PRDM6: variants seen among roughly 807,000 people sequenced by gnomAD.
The protein encoded by PRDM6 is putative histone-lysine N-methyltransferase PRDM6.
PRDM6 carries 25 observed loss-of-function variants against 60.8 expected under a neutral mutation model. The ratio of observed to expected loss-of-function variants is 0.41; its 90% CI spans 0.30 to 0.57. The LOEUF (loss-of-function observed/expected upper bound fraction) is 0.57. Ranked by LOEUF, PRDM6 falls within the 20% of genes least tolerant of loss-of-function variation. The pLI, the probability that PRDM6 is intolerant of heterozygous loss-of-function variation, is 0.27. For missense variants in PRDM6, 839 were observed against 821.3 expected, an observed-to-expected ratio of 1.02 and a Z score of -0.26; for synonymous variants, 407 against 357.4, an observed-to-expected ratio of 1.14 and a Z score of -1.57.
intron 4 of PRDM6, 122 bp downstream of exon 4, chr5:123,156,133 T>C: frequency 3.3e-6 from 1 of 307,564 alleles, no homozygotes; most frequent in Non-Finnish European, 5.1e-6. Flanking sequence ...CTGGCAGACA[T>C]TTTTTTTTTT....
chr5:123,126,377 T>C (rs1764695144), intron 3 of PRDM6, among the ~76,000 whole-genome samples: 1 of 151,728 alleles, frequency 6.6e-6, no homozygotes, highest in Non-Finnish European at 1.5e-5. Context: ...GTCTGGGCTC[T>C]GATGCACCAA....
At chr5:123,175,087 C>T (rs1362004331) in intron 6 of PRDM6, among the ~76,000 whole-genome samples, 1 of 152,078 alleles carries the variant, frequency 6.6e-6, no homozygotes, top group East Asian at 1.9e-4. Flanking sequence ...ACCAAAAGTG[C>T]TTTTGCTCAG....
chr5:123,147,010 GTTTTC>G (rs1419113421), intron 3 of PRDM6, among the ~76,000 whole-genome samples: 1 of 152,054 alleles, frequency 6.6e-6, no homozygotes, highest in East Asian at 1.9e-4. Context: ...TTTCATGAGA[GTTTTC>G]TTTATTTTTA....
Position 123,159,402 on chromosome 5 carries a change from CAG to C in PRDM6, c.1029-110_1029-109del, listed in dbSNP as rs1765577060. The C allele has an allele frequency of 6.6e-6, 8 of 1,208,120 alleles. No individual in the cohort carries two copies. In the Admixed American group the frequency reaches 8.3e-5, roughly 12 times the overall value. The allele number at this position is 1,208,120 out of a possible 1,614,324, so 74.8% of individuals were successfully genotyped here. On this transcript the variant is annotated intron_variant, in intron 4 of 7. Transcript: ENST00000407847. ...CAGTTGGATGTAAATTTATTACAAA[CAG>C]AAACTGTTTAGATGGAGCTGCGTAG...
intron 3 of PRDM6, among the ~76,000 whole-genome samples, chr5:123,120,810 A>G (rs1764562905): frequency 6.6e-6 from 1 of 152,210 alleles, no homozygotes; most frequent in Admixed American, 6.5e-5. Context: ...CTTAGCATCT[A>G]GGTTAATAGA....
chr5:123,120,145 G>C (rs1237079578), intron 3 of PRDM6, among the ~76,000 whole-genome samples: 1 of 152,174 alleles, frequency 6.6e-6, no homozygotes, highest in Non-Finnish European at 1.5e-5. Flanking sequence ...AAGATTTAAA[G>C]TGGGTCTTAG....
At chr5:123,102,683 A>G (rs1385716236) in intron 3 of PRDM6, among the ~76,000 whole-genome samples, 1 of 152,142 alleles carries the variant, frequency 6.6e-6, no homozygotes, top group East Asian at 1.9e-4. Flanking sequence ...AACTGTAATC[A>G]TTTCTCTTCC....
intron 7 of PRDM6, among the ~76,000 whole-genome samples, chr5:123,181,275 A>C (rs1766153533): frequency 6.6e-6 from 1 of 152,222 alleles, no homozygotes; most frequent in Non-Finnish European, 1.5e-5. Flanking sequence ...CAATTAGTAA[A>C]CGTATTATAG....
chr5:123,169,392 C>T (rs1263465859), intron 5 of PRDM6, among the ~76,000 whole-genome samples: 1 of 152,172 alleles, frequency 6.6e-6, no homozygotes, highest in South Asian at 2.1e-4. Context: ...GTTCTCTCCC[C>T]ACTTCCACTG....
At chr5:123,113,630 G>A (rs189970495) in intron 3 of PRDM6, among the ~76,000 whole-genome samples, 7 of 152,096 alleles carry the variant, frequency 4.6e-5, no homozygotes, top group African/African-American at 1.7e-4. Flanking sequence ...GCTCTTCACC[G>A]GTCTGCTCTT....
chr5:123,111,630 G>A (rs928214342), intron 3 of PRDM6, among the ~76,000 whole-genome samples: 4 of 152,176 alleles, frequency 2.6e-5, no homozygotes, highest in East Asian at 1.9e-4. Context: ...CCCGGGGGGC[G>A]GAGCTTGCAG....
In PRDM6 at chr5:123,181,071, A is replaced by G. The variant is rs1375318351; in HGVS notation, c.1673+748A>G. On this transcript the variant is annotated intron_variant, in intron 7 of 7. Coordinates refer to ENST00000407847, the MANE Select transcript of PRDM6 (RefSeq NM_001136239.4). The stretch of plus-strand genomic sequence containing the variant: ...CATCTGAATCCGTGCAAGATGGTCT[A>G]TTCATTCACTTATTCACTCATTCAT... Among the ~76,000 whole-genome samples, 3 of 152,356 alleles carry G rather than the reference A, an allele frequency of 2.0e-5. No individual in the cohort carries two copies. The South Asian group carries it at 6.2e-4, about 32-fold the overall frequency.
At chr5:123,150,562 G>A (rs1415747160) in intron 3 of PRDM6, among the ~76,000 whole-genome samples, 3 of 152,138 alleles carry the variant, frequency 2.0e-5, no homozygotes, top group Admixed American at 6.5e-5. Flanking sequence ...CTCCTGACAC[G>A]CAGAGGAATT....
At chr5:123,126,351 G>A (rs1467165798) in intron 3 of PRDM6, among the ~76,000 whole-genome samples, 3 of 151,834 alleles carry the variant, frequency 2.0e-5, no homozygotes, top group South Asian at 2.1e-4. Flanking sequence ...CAAAGGAGGT[G>A]AGTGACCGCT....
chr5:123,180,343 C>T lies in PRDM6; in HGVS notation c.1673+20C>T, dbSNP rs1225778866. 1 of 1,536,998 alleles carries T rather than the reference C, an allele frequency of 6.5e-7. No homozygotes were observed. Among genetic ancestry groups the T allele is most frequent in the African/African-American group, 1.4e-5 (1 of 72,854 alleles). On this transcript the variant is annotated intron_variant, in intron 7 of 7. Coordinates refer to ENST00000407847, the MANE Select transcript of PRDM6 (RefSeq NM_001136239.4). ...CTTCAAGTAAGTAGTGGCTAGCCCT[C>T]CACCCTCTCTTTCTCTTAGCCTTTC...
At chr5:123,098,007 A>G (rs1763996533) in intron 2 of PRDM6, among the ~76,000 whole-genome samples, 1 of 152,238 alleles carries the variant, frequency 6.6e-6, no homozygotes, top group Non-Finnish European at 1.5e-5. Flanking sequence ...GGAGGCTTAC[A>G]TAGTCAGCCC....
At chr5:123,092,648 A>C (rs1037929824) in intron 2 of PRDM6, among the ~76,000 whole-genome samples, 2 of 152,222 alleles carry the variant, frequency 1.3e-5, no homozygotes, top group African/African-American at 4.8e-5. Context: ...CTTTTGAGCC[A>C]ACTGGATTGT....
At position 123,170,792 on chromosome 5, in the gene PRDM6, G is replaced by A. The variant is rs1446563932; in HGVS notation, c.1180G>A (p.Ala394Thr). The change falls in exon 6 of 8, where the codon GCC becomes ACC. Residue 394 changes from alanine (A) to threonine (T), a missense_variant. Transcript: ENST00000407847. Reference sequence around the variant, plus strand: ...AAATGTCCCTTCAACGGTAATGGAAGCCATGTGCAGACAAGACGCCCTGCA... The same window carrying A: ...AAATGTCCCTTCAACGGTAATGGAAACCATGTGCAGACAAGACGCCCTGCA... ...NLNVPSTVMEAMCRQDALQPF... is the reference protein window; with the variant it reads ...NLNVPSTVMETMCRQDALQPF... 1.9e-6 allele frequency: 3 copies of A among 1,551,552 alleles called. No individual in the cohort carries two copies. The highest frequency in any genetic ancestry group is 1.7e-6 in the Non-Finnish European group (2 of 1,146,824).
intron 3 of PRDM6, among the ~76,000 whole-genome samples, chr5:123,130,490 A>G (rs537690399): frequency 2.6e-4 from 39 of 151,530 alleles, no homozygotes; most frequent in Non-Finnish European, 5.3e-4. Flanking sequence ...AGCAGTACAC[A>G]TATGTTTTTT....
Sources: allele counts gnomAD v4.1 joint callset (sites outside exome capture counted in the v4.1 genomes callset), GRCh38; gene constraint gnomAD v4.1.1; transcripts MANE v1.5; gene names NCBI Gene and HGNC (gene_info 2026-07-23, HGNC 2026-07-21).